Variants in NCKAP5 observed in about 807,000 individuals in gnomAD.
NCKAP5 encodes the protein nck-associated protein 5.
In NCKAP5, 92 loss-of-function variants were observed where a neutral mutation model predicts 167.0. The observed-to-expected ratio is 0.55, with a 90% CI of 0.47 to 0.66. The LOEUF is 0.66. NCKAP5 is among the 30% of genes least tolerant of loss of function. NCKAP5 has a pLI of 0.00. For missense variants in NCKAP5, 2,378 were observed against 2,315.0 expected (o/e 1.03, Z -0.56); for synonymous variants, 891 against 877.4 (o/e 1.02, Z -0.27).
chr2:133,601,923 A>G, the NCKAP5 span, among the ~76,000 whole-genome samples: 13 of 152,216 alleles, frequency 8.5e-5, no homozygotes, highest in African/African-American at 3.1e-4. Flanking sequence ...CTCAGATCAC[A>G]GACCCGGACA....
intron 16 of NCKAP5, among the ~76,000 whole-genome samples, chr2:132,738,479 G>A (rs923434310): frequency 1.3e-5 from 2 of 152,192 alleles, no homozygotes; most frequent in African/African-American, 2.4e-5. Context: ...TGAGAACTAA[G>A]TTCTTACTAA....
At chr2:133,309,432 T>G (rs1449168943) in intron 3 of NCKAP5, among the ~76,000 whole-genome samples, 2 of 152,148 alleles carry the variant, frequency 1.3e-5, no homozygotes, top group Admixed American at 1.3e-4. Context: ...CCCTCGTTAG[T>G]GTTCTGATAA....
chr2:133,018,910 T>C (rs930706172), intron 6 of NCKAP5, among the ~76,000 whole-genome samples: 1 of 152,214 alleles, frequency 6.6e-6, no homozygotes, highest in African/African-American at 2.4e-5. Flanking sequence ...AAAGACTTTC[T>C]ACCCTTTAGC....
chr2:132,746,175 T>G (rs377393992), intron 16 of NCKAP5, among the ~76,000 whole-genome samples: 2 of 152,040 alleles, frequency 1.3e-5, no homozygotes, highest in East Asian at 1.9e-4. Flanking sequence ...CTACGTTCAT[T>G]AAGAGAGTGT....
chr2:133,307,881 C>T (rs1008529970), intron 3 of NCKAP5, among the ~76,000 whole-genome samples: 1 of 151,728 alleles, frequency 6.6e-6, no homozygotes, highest in Non-Finnish European at 1.5e-5. Flanking sequence ...AAAGAGGCTT[C>T]AAAGGAGGTT....
chr2:133,451,544 C>G (rs1277819794), intron 3 of NCKAP5, among the ~76,000 whole-genome samples: 11 of 152,198 alleles, frequency 7.2e-5, no homozygotes. Context: ...GCAACAATCA[C>G]TCTTATACAC....
intron 2 of NCKAP5, among the ~76,000 whole-genome samples, chr2:133,549,366 G>A (rs1687064575): frequency 6.8e-6 from 1 of 147,142 alleles, no homozygotes; most frequent in African/African-American, 2.5e-5. Context: ...CTCAGCAAAT[G>A]TAAAAGAACA....
At chr2:133,587,846 G>T in the NCKAP5 span, among the ~76,000 whole-genome samples, 6 of 152,252 alleles carry the variant, frequency 3.9e-5, no homozygotes, top group Admixed American at 3.9e-4. Flanking sequence ...TAATTCACAG[G>T]ACAGCACGCA....
At chr2:133,045,057 A>AAG (rs999706316) in intron 6 of NCKAP5, among the ~76,000 whole-genome samples, 4 of 151,934 alleles carry the variant, frequency 2.6e-5, no homozygotes, top group Non-Finnish European at 5.9e-5. Context: ...CTGTAGAAAG[A>AAG]AGAAAAAAAA....
At chr2:133,323,095 T>A (rs1218694255) in intron 3 of NCKAP5, among the ~76,000 whole-genome samples, 1 of 152,208 alleles carries the variant, frequency 6.6e-6, no homozygotes, top group Non-Finnish European at 1.5e-5. Flanking sequence ...ATTCAACAAA[T>A]GGACACTTGT....
At chr2:133,072,406 C>A (rs531880989) in intron 6 of NCKAP5, among the ~76,000 whole-genome samples, 1 of 152,272 alleles carries the variant, frequency 6.6e-6, no homozygotes, top group South Asian at 2.1e-4. Context: ...CTGTGCCTCT[C>A]CAGACTGGAA....
intron 6 of NCKAP5, among the ~76,000 whole-genome samples, chr2:133,074,564 G>C (rs958088610): frequency 6.6e-6 from 1 of 152,016 alleles, no homozygotes; most frequent in Non-Finnish European, 1.5e-5. Context: ...ATTTCACCAT[G>C]TTGCCCAGGT....
In NCKAP5 at chr2:133,368,626, T is replaced by A. The variant is rs1471043801; in HGVS notation, c.70-65516A>T. Among the ~76,000 whole-genome samples the A allele has an allele frequency of 3.9e-5, 6 of 152,330 alleles. No homozygotes were observed. The East Asian group carries it at 1.2e-3, about 29-fold the overall frequency. ...AAGGCCTTTGACTCCAAGCCTTGCATCCTCTCCATTTCTCCAGGCTGCATT... is the reference window on the plus strand; with the variant it reads ...AAGGCCTTTGACTCCAAGCCTTGCAACCTCTCCATTTCTCCAGGCTGCATT... On this transcript the variant is annotated intron_variant, in intron 3 of 19. Coordinates refer to ENST00000409261, the MANE Select transcript of NCKAP5 (RefSeq NM_207363.3).
intron 5 of NCKAP5, among the ~76,000 whole-genome samples, chr2:133,160,695 G>A (rs1010615591): frequency 2.0e-5 from 3 of 151,978 alleles, no homozygotes; most frequent in Non-Finnish European, 4.4e-5. Context: ...GGACAGACTG[G>A]CCCTTTTAGG....
At chr2:132,979,289 A>C (rs554522932) in intron 7 of NCKAP5, among the ~76,000 whole-genome samples, 3 of 152,098 alleles carry the variant, frequency 2.0e-5, no homozygotes, top group Admixed American at 2.0e-4. Flanking sequence ...ATGCAGATGA[A>C]ATGATTTTCT....
At chr2:132,874,613 T>C (rs1364115589) in intron 9 of NCKAP5, among the ~76,000 whole-genome samples, 5 of 152,318 alleles carry the variant, frequency 3.3e-5, no homozygotes, top group Admixed American at 1.3e-4. Flanking sequence ...TAGTTTTCAA[T>C]GTCCTTGCGC....
rs1553434815 is a variant in NCKAP5, at chr2:133,526,207, G to GGAAGGAAA, written c.-61-8621_-61-8620insTTTCCTTC. 3.0e-5 allele frequency among the ~76,000 whole-genome samples: 4 copies of GGAAGGAAA among 134,768 alleles called. No individual in the cohort carries two copies. The Admixed American group carries it at 3.0e-4, about 10-fold the overall frequency. The allele number at this position is 134,768 out of a possible 152,430, so 88.4% of individuals were successfully genotyped here. On this transcript the variant is annotated intron_variant, in intron 2 of 19. Transcript: ENST00000409261. ...AGGAAGGAAGGAAGGAAGGAAGGAA[G>GGAAGGAAA]GAAGGAAGGAAGGAAGGAAGAAAGG...
intron 6 of NCKAP5, among the ~76,000 whole-genome samples, chr2:133,071,350 C>T (rs1389680889): frequency 2.6e-5 from 4 of 151,852 alleles, no homozygotes; most frequent in East Asian, 1.9e-4. Flanking sequence ...GAGGCTGAGG[C>T]AGGAGAATGG....
intron 8 of NCKAP5, among the ~76,000 whole-genome samples, chr2:132,937,216 C>T (rs1160228492): frequency 6.6e-6 from 1 of 152,104 alleles, no homozygotes; most frequent in Admixed American, 6.5e-5. Flanking sequence ...CCCAAAGAGA[C>T]ACAGGTGCTG....
Sources: gnomAD v4.1 joint callset for allele counts (sites outside exome capture counted in the v4.1 genomes callset) on GRCh38, gnomAD v4.1.1 for gene constraint, MANE v1.5 for transcripts, NCBI Gene and HGNC (gene_info 2026-07-23, HGNC 2026-07-21) for gene names.